Variants in LAMA3 observed in about 807,000 individuals in gnomAD.
LAMA3 encodes the protein laminin subunit alpha 3.
LAMA3 carries 281 observed loss-of-function variants against 402.0 expected under a neutral mutation model. That is an observed-to-expected ratio of 0.70 (90% confidence interval 0.63 to 0.77). The LOEUF is 0.77. Ranked by LOEUF, LAMA3 falls within the 30% of genes least tolerant of loss-of-function variation. The pLI, the probability that LAMA3 is intolerant of heterozygous loss-of-function variation, is 0.00. For synonymous variants in LAMA3, 1,431 were observed against 1,558.4 expected, an observed-to-expected ratio of 0.92 and a Z score of 1.93; for missense variants, 3,840 against 4,215.5, an observed-to-expected ratio of 0.91 and a Z score of 2.47.
Position 23,873,278 on chromosome 18 carries a change from G to C in LAMA3, c.4998+1617G>C. 3 of 1,428,326 alleles carry C rather than the reference G, an allele frequency of 2.1e-6. No individual in the cohort carries two copies. In the Admixed American group the frequency reaches 5.0e-5, roughly 24 times the overall value. 88.5% of individuals were successfully genotyped at this position (1,428,326 alleles called of 1,614,324 possible). ...AGTTTCCAGCTTTGTGACATTTTAAGTTACAGTTACGGTGATTAATGAGTA... is the reference window on the plus strand; with the variant it reads ...AGTTTCCAGCTTTGTGACATTTTAACTTACAGTTACGGTGATTAATGAGTA... On this transcript the variant is annotated intron_variant, in intron 38 of 74. Transcript: ENST00000313654.
At chr18:23,775,432 C>T (rs1173577399) in intron 9 of LAMA3, among the ~76,000 whole-genome samples, 1 of 152,198 alleles carries the variant, frequency 6.6e-6, no homozygotes, top group Non-Finnish European at 1.5e-5. Flanking sequence ...TGGTTCATAG[C>T]TAGAAAGGGC....
chr18:23,878,239 A>G (rs2064786865), intron 39 of LAMA3, among the ~76,000 whole-genome samples: 1 of 152,256 alleles, frequency 6.6e-6, no homozygotes, highest in Middle Eastern at 3.2e-3. Context: ...CACTGAAAGG[A>G]AAACTTGTGA....
chr18:23,749,829 GGGTTGCT>G (rs1256710110), intron 4 of LAMA3, among the ~76,000 whole-genome samples: 1 of 152,128 alleles, frequency 6.6e-6, no homozygotes, highest in African/African-American at 2.4e-5. Context: ...TTTATAAAGT[GGGTTGCT>G]GGTAACTGAA....
Position 23,917,846 on chromosome 18 carries a change from C to A in LAMA3, c.7923+1151C>A, listed in dbSNP as rs556403699. Among the ~76,000 whole-genome samples, 5 of 152,110 alleles carry A rather than the reference C, an allele frequency of 3.3e-5. No homozygotes were observed. In the South Asian group the frequency reaches 1.0e-3, roughly 32 times the overall value. On this transcript the variant is annotated intron_variant, in intron 60 of 74. Coordinates refer to ENST00000313654, the MANE Select transcript of LAMA3 (RefSeq NM_198129.4). ...TGATAGTTTACTCTGTTGATAGTTTCTTTCATTGTGCAGAAGCTCTTTAAT... is the reference window on the plus strand; with the variant it reads ...TGATAGTTTACTCTGTTGATAGTTTATTTCATTGTGCAGAAGCTCTTTAAT...
At chr18:23,816,584 C>A in intron 18 of LAMA3, 97 bp downstream of exon 18, 1 of 1,015,642 alleles carries the variant, frequency 9.8e-7, no homozygotes, top group Non-Finnish European at 1.5e-6. Flanking sequence ...GAGAAGCAGC[C>A]CTAAAGATCG....
intron 18 of LAMA3, 148 bp downstream of exon 18, chr18:23,816,635 AT>A: frequency 1.4e-6 from 1 of 720,630 alleles, no homozygotes; most frequent in South Asian, 1.5e-5. Flanking sequence ...AAATCTGGAC[AT>A]TTGTGTGTGA....
intron 6 of LAMA3, among the ~76,000 whole-genome samples, chr18:23,755,125 A>T (rs1014784279): frequency 2.6e-5 from 4 of 152,228 alleles, no homozygotes; most frequent in African/African-American, 9.6e-5. Context: ...TCTCCCTAAG[A>T]CACTAGAAAT....
rs550760443 is a variant in LAMA3 at position 23,861,587 on chromosome 18, C to T, written c.4423-59C>T. 2.3e-5 allele frequency: 36 copies of T among 1,592,994 alleles called. No individual in the cohort carries two copies. The African/African-American group carries it at 3.9e-4, about 17-fold the overall frequency. ...TTTCTGTAGTACATCATGCACCCAT[C>T]ACCCCAGGGATGCCACGACCAAGAC... On this transcript the variant is annotated intron_variant, in intron 34 of 74. Transcript: ENST00000313654.
rs751629785 is a variant in LAMA3, at chr18:23,916,609, A to G, written c.7837A>G (p.Thr2613Ala). 2.5e-6 allele frequency: 4 copies of G among 1,614,146 alleles called. No individual in the cohort carries two copies. The South Asian group carries it at 3.3e-5, about 13-fold the overall frequency. ...FEGTGYARVP[T>A]QPHAPIPTFG... ...AGGTACGGGCTATGCTCGAGTTCCA[A>G]CTCAACCACATGCTCCCATCCCAAC... Residue 2613 changes from threonine to alanine, a missense_variant, in exon 60 of 75, where the codon ACT (threonine) becomes GCT (alanine). Transcript: ENST00000313654.
chr18:23,873,105 G>T, intron 38 of LAMA3: 1 of 1,614,214 alleles, frequency 6.2e-7, no homozygotes, highest in Non-Finnish European at 8.5e-7. Context: ...CTTTGGGGCA[G>T]CCCTGGGGCA....
chr18:23,925,571 C>T (rs1186703146), intron 62 of LAMA3, among the ~76,000 whole-genome samples: 2 of 152,184 alleles, frequency 1.3e-5, no homozygotes, highest in East Asian at 1.9e-4. Flanking sequence ...TCTCTGAAGT[C>T]GGCCTGCAAC....
At chr18:23,941,085 G>A (rs1280472836) in intron 68 of LAMA3, among the ~76,000 whole-genome samples, 2 of 151,758 alleles carry the variant, frequency 1.3e-5, no homozygotes, top group African/African-American at 2.4e-5. Context: ...ATAGGCACCC[G>A]CCACCACGCC....
At chr18:23,951,880 C>T in intron 73 of LAMA3, 103 bp downstream of exon 73, 1 of 866,456 alleles carries the variant, frequency 1.2e-6, no homozygotes, top group East Asian at 2.7e-5. Flanking sequence ...TCCACAGTGC[C>T]TGACCAGGGC....
intron 42 of LAMA3, among the ~76,000 whole-genome samples, chr18:23,893,508 G>C (rs1425124205): frequency 6.6e-6 from 1 of 152,112 alleles, no homozygotes; most frequent in African/African-American, 2.4e-5. Context: ...GGTTGAATCT[G>C]GGAGGCAGAG....
intron 2 of LAMA3, among the ~76,000 whole-genome samples, chr18:23,724,971 G>A (rs1368592657): frequency 1.3e-5 from 2 of 152,064 alleles, no homozygotes; most frequent in Non-Finnish European, 2.9e-5. Context: ...CCTTCCTGAT[G>A]CTTCTTTTTT....
At chr18:23,932,974 C>T (rs1420451054) in intron 66 of LAMA3, among the ~76,000 whole-genome samples, 1 of 152,120 alleles carries the variant, frequency 6.6e-6, no homozygotes, top group Non-Finnish European at 1.5e-5. Flanking sequence ...ACATCTAATT[C>T]AGGGATTGGA....
Position 23,773,711 on chromosome 18 carries a change from C to T in LAMA3, c.1273+124C>T, listed in dbSNP as rs541811545. On this transcript the variant is annotated intron_variant, in intron 9 of 74. Coordinates refer to ENST00000313654, the MANE Select transcript of LAMA3 (RefSeq NM_198129.4). The stretch of plus-strand genomic sequence containing the variant: ...CTCTCTCTTCAGAGTATTAGTTGTG[C>T]TCGCTATGTGACCTCAGTCACTTAC... 62 of 713,128 alleles carry T rather than the reference C, an allele frequency of 8.7e-5. No homozygotes were observed. The South Asian group carries it at 9.2e-4, about 11-fold the overall frequency. The allele number at this position is 713,128 out of a possible 1,614,324, so 44.2% of individuals were successfully genotyped here.
At chr18:23,864,315 C>A (rs2064298595) in intron 35 of LAMA3, among the ~76,000 whole-genome samples, 1 of 151,646 alleles carries the variant, frequency 6.6e-6, no homozygotes, top group Admixed American at 6.6e-5. Flanking sequence ...CAGCCTCAAA[C>A]TCCTGGGCTC....
At chr18:23,767,583 T>TC (rs1438958075) in intron 8 of LAMA3, among the ~76,000 whole-genome samples, 2 of 147,672 alleles carry the variant, frequency 1.4e-5, no homozygotes, top group African/African-American at 2.5e-5. Flanking sequence ...CTTTTCTTTT[T>TC]TTTTTTTTTT....
Sources: allele counts gnomAD v4.1 joint callset (sites outside exome capture counted in the v4.1 genomes callset), GRCh38; gene constraint gnomAD v4.1.1; transcripts MANE v1.5; gene names NCBI Gene and HGNC (gene_info 2026-07-23, HGNC 2026-07-21).